NELL1: variants seen among roughly 807,000 people sequenced by gnomAD.
NELL1 encodes neural EGFL like 1.
NELL1 carries 76 observed loss-of-function variants against 107.4 expected under a neutral mutation model. That is an observed-to-expected ratio of 0.71 (90% CI 0.59 to 0.86). The LOEUF is 0.86. Among genes scored for constraint, NELL1 ranks in the 40% least tolerant of loss-of-function variants. NELL1 has a pLI of 0.00. For synonymous variants in NELL1, 353 were observed against 341.2 expected, an observed-to-expected ratio of 1.03 and a Z score of -0.38; for missense variants, 1,024 against 1,005.5, an observed-to-expected ratio of 1.02 and a Z score of -0.25.
chr11:21,129,557 A>T (rs1185785589), intron 13 of NELL1, among the ~76,000 whole-genome samples: 1 of 152,206 alleles, frequency 6.6e-6, no homozygotes, highest in Non-Finnish European at 1.5e-5. Flanking sequence ...CAGACATATA[A>T]TGGAATATTA....
chr11:20,979,847 T>TTG (rs1233280966), intron 12 of NELL1, among the ~76,000 whole-genome samples: 2 of 152,144 alleles, frequency 1.3e-5, no homozygotes, highest in Non-Finnish European at 2.9e-5. Context: ...TTGCCTGTAG[T>TTG]TGTGTGTGCT....
intron 15 of NELL1, among the ~76,000 whole-genome samples, chr11:21,405,119 T>A (rs1852202633): frequency 6.6e-6 from 1 of 152,046 alleles, no homozygotes; most frequent in Non-Finnish European, 1.5e-5. Flanking sequence ...TGGCTTCCGA[T>A]GGCTGGGTGG....
chr11:21,451,283 T>C (rs1156331900), intron 15 of NELL1, among the ~76,000 whole-genome samples: 1 of 152,108 alleles, frequency 6.6e-6, no homozygotes, highest in Non-Finnish European at 1.5e-5. Flanking sequence ...CACATTGTGT[T>C]AAGCACTTCA....
intron 14 of NELL1, among the ~76,000 whole-genome samples, chr11:21,257,985 A>G (rs1357046113): frequency 6.6e-6 from 1 of 152,016 alleles, no homozygotes; most frequent in Non-Finnish European, 1.5e-5. Flanking sequence ...GAAGAGGGAG[A>G]CACATTGGTG....
intron 12 of NELL1, among the ~76,000 whole-genome samples, chr11:21,041,958 T>C (rs1047760915): frequency 6.6e-6 from 1 of 152,224 alleles, no homozygotes; most frequent in African/African-American, 2.4e-5. Flanking sequence ...GGCTGGTGTG[T>C]GCACCGCCAC....
At chr11:20,975,956 T>TA (rs59420210) in intron 12 of NELL1, among the ~76,000 whole-genome samples, 12,496 of 129,392 alleles carry the variant, frequency 0.097, 1,193 homozygotes, top group East Asian at 0.19. Flanking sequence ...TATATGTACA[T>TA]TATATATACA....
chr11:20,877,555 A>G (rs1442012898), intron 4 of NELL1, among the ~76,000 whole-genome samples: 1 of 152,234 alleles, frequency 6.6e-6, no homozygotes, highest in Non-Finnish European at 1.5e-5. Flanking sequence ...TTCACAGAAT[A>G]TAGACTAGTC....
At chr11:21,032,449 G>A (rs551055624) in intron 12 of NELL1, among the ~76,000 whole-genome samples, 93 of 152,262 alleles carry the variant, frequency 6.1e-4, no homozygotes, top group African/African-American at 2.1e-3. Context: ...GAGTGCAGTG[G>A]CACGTCTCAG....
intron 13 of NELL1, among the ~76,000 whole-genome samples, chr11:21,169,220 T>A (rs776727884): frequency 1.6e-4 from 25 of 151,822 alleles, no homozygotes; most frequent in Non-Finnish European, 3.4e-4. Flanking sequence ...TGTTTGTAGG[T>A]ATATGTTTAA....
At chr11:20,888,697 T>C (rs920323718) in intron 5 of NELL1, among the ~76,000 whole-genome samples, 3 of 152,136 alleles carry the variant, frequency 2.0e-5, no homozygotes, top group Non-Finnish European at 4.4e-5. Context: ...TTTATTTAGC[T>C]CAAAAACCAA....
At chr11:21,111,924 C>T (rs1855116652) in intron 12 of NELL1, among the ~76,000 whole-genome samples, 1 of 152,102 alleles carries the variant, frequency 6.6e-6, no homozygotes, top group South Asian at 2.1e-4. Flanking sequence ...CTTTCATCGT[C>T]CTACCAAAGA....
chr11:21,056,093 G>C (rs1246613394), intron 12 of NELL1, among the ~76,000 whole-genome samples: 1 of 152,106 alleles, frequency 6.6e-6, no homozygotes, highest in Non-Finnish European at 1.5e-5. Flanking sequence ...TCCTCTATTT[G>C]AGGATAGAAA....
chr11:21,135,022 G>A (rs936594081), intron 13 of NELL1, among the ~76,000 whole-genome samples: 3 of 152,152 alleles, frequency 2.0e-5, no homozygotes, highest in African/African-American at 4.8e-5. Flanking sequence ...AAACATGCTA[G>A]AGTCACTGTT....
At position 20,712,112 on chromosome 11, in the gene NELL1, T is replaced by C. The variant is rs112444753; in HGVS notation, c.184+34052T>C. Reference sequence around the variant, plus strand: ...TATTCTTAGATTTGGTCATATAACATATTCCCATATATTTTGGAGGCTTTG... The same window carrying C: ...TATTCTTAGATTTGGTCATATAACACATTCCCATATATTTTGGAGGCTTTG... On this transcript the variant is annotated intron_variant, in intron 2 of 19. Transcript: ENST00000357134. 3.5e-3 allele frequency among the ~76,000 whole-genome samples: 526 copies of C among 152,302 alleles called. 2 individuals are homozygous for C. The highest frequency in any genetic ancestry group is 0.012 in the African/African-American group (511 of 41,584).
chr11:20,702,527 C>T (rs1041832220), intron 2 of NELL1, among the ~76,000 whole-genome samples: 2 of 152,060 alleles, frequency 1.3e-5, no homozygotes, highest in Non-Finnish European at 2.9e-5. Context: ...ATTGCCCTGG[C>T]CAGAACTTCC....
At chr11:20,855,349 TG>T (rs1160243081) in intron 4 of NELL1, among the ~76,000 whole-genome samples, 1 of 152,148 alleles carries the variant, frequency 6.6e-6, no homozygotes, top group East Asian at 1.9e-4. Flanking sequence ...TAGAAAGAAC[TG>T]GGAAAAAATA....
chr11:21,494,975 C>A (rs560986660), intron 15 of NELL1, among the ~76,000 whole-genome samples: 1 of 151,952 alleles, frequency 6.6e-6, no homozygotes, highest in Non-Finnish European at 1.5e-5. Flanking sequence ...TCTTGGTATT[C>A]TTCTGTTTAA....
chr11:20,965,941 T>C (rs974444145), intron 12 of NELL1, among the ~76,000 whole-genome samples: 2 of 152,340 alleles, frequency 1.3e-5, no homozygotes, highest in Admixed American at 6.5e-5. Flanking sequence ...TGGGCTAGTT[T>C]ACTTAATTAC....
intron 13 of NELL1, among the ~76,000 whole-genome samples, chr11:21,175,711 GATC>G (rs756992215): frequency 6.6e-6 from 1 of 151,880 alleles, no homozygotes; most frequent in Admixed American, 6.6e-5. Flanking sequence ...AGAAGCTTCA[GATC>G]ATCATGACAA....
Sources: gnomAD v4.1 joint callset for allele counts (sites outside exome capture counted in the v4.1 genomes callset) on GRCh38, gnomAD v4.1.1 for gene constraint, MANE v1.5 for transcripts, NCBI Gene and HGNC (gene_info 2026-07-23, HGNC 2026-07-21) for gene names.